The following DOCK7 variants were observed in gnomAD, a reference collection of about 807,000 sequenced individuals.
DOCK7 encodes the protein dedicator of cytokinesis protein 7.
DOCK7 carries 138 observed loss-of-function variants against 271.0 expected under a neutral mutation model. The ratio of observed to expected loss-of-function variants is 0.51; its 90% CI spans 0.44 to 0.59. The LOEUF is 0.59. Ranked by LOEUF, DOCK7 falls within the 20% of genes least tolerant of loss-of-function variation. The probability of loss-of-function intolerance (pLI) is 0.00; values close to 1 mark genes in which losing one functional copy is unlikely to be tolerated. For synonymous variants in DOCK7, 823 were observed against 876.1 expected, an observed-to-expected ratio of 0.94 and a Z score of 1.07; for missense variants, 2,066 against 2,592.4, an observed-to-expected ratio of 0.80 and a Z score of 4.41.
chr1:62,584,657 G>C, intron 15 of DOCK7: 1 of 1,355,762 alleles, frequency 7.4e-7, no homozygotes. Flanking sequence ...TAGCAATATG[G>C]ATTGAGCATT....
Position 62,653,671 on chromosome 1 carries a change from C to T in DOCK7, c.389+54G>A, listed in dbSNP as rs1657643456. ...TAAACATTACGAATCTGCCTTAATC[C>T]ATTTAGAAATCTTACTCAATATTTG... On this transcript the variant is annotated intron_variant, in intron 4 of 49. Coordinates refer to ENST00000635253, the MANE Select transcript of DOCK7 (RefSeq NM_001367561.1). 4 of 1,153,198 alleles carry T rather than the reference C, an allele frequency of 3.5e-6. No individual in the cohort carries two copies. The African/African-American group carries it at 4.6e-5, about 13-fold the overall frequency. 71.4% of individuals were successfully genotyped at this position (1,153,198 alleles called of 1,614,324 possible). A position where few individuals can be genotyped will look rare whatever the true frequency, so the allele number is the denominator to read the frequency against.
intron 2 of DOCK7, among the ~76,000 whole-genome samples, chr1:62,655,128 T>TG (rs1181638803): frequency 6.6e-6 from 1 of 152,224 alleles, no homozygotes; most frequent in Non-Finnish European, 1.5e-5. Context: ...CTATTAAAAC[T>TG]ACCCATTAAT....
intron 14 of DOCK7, 94 bp from the exon 15 acceptor site, chr1:62,586,718 G>T: frequency 1.5e-6 from 1 of 664,142 alleles, no homozygotes; most frequent in Non-Finnish European, 2.5e-6. Flanking sequence ...ACCAAATACT[G>T]AATTACTGAT....
Position 62,578,918 on chromosome 1 carries a change from T to C in DOCK7, c.1920A>G (p.Leu640=). ...EEIKVKLPAT[L]TDHHHLLFTF... is the part of the protein sequence containing the mutation. ...TAAAAAGCAAGTGATGATGGTCAGTTAAAGTAGCAGGAAGCTTAACCTTGA... is the reference window on the plus strand; with the variant it reads ...TAAAAAGCAAGTGATGATGGTCAGTCAAAGTAGCAGGAAGCTTAACCTTGA... The change falls in exon 17 of 50, where the codon TTA becomes TTG. Residue 640 remains leucine (L), a synonymous_variant. Coordinates refer to ENST00000635253, the MANE Select transcript of DOCK7 (RefSeq NM_001367561.1). 1 of 1,604,238 alleles carries C rather than the reference T, an allele frequency of 6.2e-7. No individual in the cohort carries two copies. The highest frequency in any genetic ancestry group is 8.5e-7 in the Non-Finnish European group (1 of 1,176,854).
Position 62,647,736 on chromosome 1 carries a change from T to C in DOCK7, c.773A>G (p.Lys258Arg). 1 of 1,610,538 alleles carries C rather than the reference T, an allele frequency of 6.2e-7. No individual in the cohort carries two copies. Among genetic ancestry groups the C allele is most frequent in the Admixed American group, 1.7e-5 (1 of 59,246 alleles). The change falls in exon 7 of 50, where the codon AAA becomes AGA. Residue 258 changes from lysine (K) to arginine (R), a missense_variant. Transcript: ENST00000635253. Reference protein sequence around the residue: ...IERLSVPDIPKEHFGQRLLVK... With the variant: ...IERLSVPDIPREHFGQRLLVK... ...AAGAAGTCTTTGACCAAAATGTTCTTTGGGTATATCAGGAACACTAAGCCG... is the reference window on the plus strand; with the variant it reads ...AAGAAGTCTTTGACCAAAATGTTCTCTGGGTATATCAGGAACACTAAGCCG...
At chr1:62,614,845 G>A (rs1204221530) in intron 14 of DOCK7, among the ~76,000 whole-genome samples, 1 of 151,908 alleles carries the variant, frequency 6.6e-6, no homozygotes. Flanking sequence ...GTGACTTTAA[G>A]AGAAGGACTT....
chr1:62,611,194 C>G (rs967001552), intron 14 of DOCK7, among the ~76,000 whole-genome samples: 2 of 152,158 alleles, frequency 1.3e-5, no homozygotes, highest in Non-Finnish European at 2.9e-5. Context: ...CATCAATAAA[C>G]ACATATATCA....
At chr1:62,637,372 A>C (rs1655407706) in intron 7 of DOCK7, among the ~76,000 whole-genome samples, 2 of 152,222 alleles carry the variant, frequency 1.3e-5, no homozygotes, top group Admixed American at 1.3e-4. Flanking sequence ...ATGTGAGGTT[A>C]ACTAAAACTC....
chr1:62,634,667 A>C (rs960017837), intron 9 of DOCK7, 106 bp downstream of exon 9: 114 of 1,231,556 alleles, frequency 9.3e-5, no homozygotes, highest in Middle Eastern at 2.2e-4. Context: ...ATCAAGATGA[A>C]AAAAATATGT....
chr1:62,537,864 A>C lies in DOCK7; in HGVS notation c.3471+27T>G, dbSNP rs774969217. 6 of 1,588,052 alleles carry C rather than the reference A, an allele frequency of 3.8e-6. No individual in the cohort carries two copies. The South Asian group carries it at 6.7e-5, about 18-fold the overall frequency. On this transcript the variant is annotated intron_variant, in intron 28 of 49. Transcript: ENST00000635253. ...ATTCTTCACAAAAGTGACTTTAAAT[A>C]TATGTATATTCACACAATTTGCATA...
At chr1:62,484,993 A>T (rs796392427) in intron 43 of DOCK7, 4 of 251,360 alleles carry the variant, frequency 1.6e-5, no homozygotes, top group African/African-American at 9.3e-5. Context: ...ACAAAAAATT[A>T]GCTGGTGGCA....
intron 33 of DOCK7, among the ~76,000 whole-genome samples, chr1:62,513,079 G>C (rs1387032725): frequency 1.3e-5 from 2 of 151,966 alleles, no homozygotes; most frequent in Non-Finnish European, 2.9e-5. Flanking sequence ...GGGTATATGG[G>C]AAATCTCTGT....
At chr1:62,661,378 G>C (rs1363972556) in intron 2 of DOCK7, among the ~76,000 whole-genome samples, 1 of 151,998 alleles carries the variant, frequency 6.6e-6, no homozygotes, top group Non-Finnish European at 1.5e-5. Flanking sequence ...TACTGTAAAT[G>C]TACTTAATGC....
intron 19 of DOCK7, among the ~76,000 whole-genome samples, chr1:62,560,597 C>T (rs1366083546): frequency 6.6e-6 from 1 of 152,092 alleles, no homozygotes; most frequent in Non-Finnish European, 1.5e-5. Flanking sequence ...CAATCTATTA[C>T]CAGCCTTCTA....
intron 20 of DOCK7, among the ~76,000 whole-genome samples, chr1:62,556,619 GTA>G (rs955662654): frequency 6.6e-6 from 1 of 151,850 alleles, no homozygotes; most frequent in African/African-American, 2.4e-5. Context: ...ACTCAAGTCA[GTA>G]TGTAACAATA....
intron 7 of DOCK7, among the ~76,000 whole-genome samples, chr1:62,640,559 T>C (rs1368116511): frequency 6.6e-6 from 1 of 152,116 alleles, no homozygotes; most frequent in Non-Finnish European, 1.5e-5. Flanking sequence ...TGTGTGTGTA[T>C]TTGTTCCCTT....
intron 37 of DOCK7, among the ~76,000 whole-genome samples, chr1:62,499,937 G>A (rs1173273527): frequency 1.4e-5 from 2 of 148,068 alleles, no homozygotes; most frequent in Non-Finnish European, 1.5e-5. Context: ...AAACTGTTCT[G>A]AAAAAAAAAA....
chr1:62,595,213 T>A (rs1480737090), intron 14 of DOCK7, among the ~76,000 whole-genome samples: 1 of 152,184 alleles, frequency 6.6e-6, no homozygotes, highest in Non-Finnish European at 1.5e-5. Flanking sequence ...TACATTATCT[T>A]AATATGCAAT....
chr1:62,459,694 C>A (rs2813925), intron 48 of DOCK7, among the ~76,000 whole-genome samples: 147,492 of 152,214 alleles, frequency 0.97, 71,649 homozygotes, highest in Middle Eastern at 1. Context: ...TAAAATAATC[C>A]AATAGGTTGA....
Sources: allele counts gnomAD v4.1 joint callset (sites outside exome capture counted in the v4.1 genomes callset), GRCh38; gene constraint gnomAD v4.1.1; transcripts MANE v1.5; gene names NCBI Gene and HGNC (gene_info 2026-07-23, HGNC 2026-07-21).